BMPR2: variants seen among roughly 807,000 people sequenced by gnomAD.
The protein encoded by BMPR2 is bone morphogenetic protein receptor type-2.
A neutral mutation model predicts 100.8 loss-of-function variants in BMPR2; 29 were observed. The ratio of observed to expected loss-of-function variants is 0.29; its 90% CI spans 0.21 to 0.39. The LOEUF (loss-of-function observed/expected upper bound fraction) is 0.39. BMPR2 is among the 10% of genes least tolerant of loss of function. The pLI is 1.00. For missense variants in BMPR2, 1,011 were observed against 1,274.5 expected (o/e 0.79, Z 3.15); for synonymous variants, 382 against 442.3 (o/e 0.86, Z 1.71).
intron 1 of BMPR2, among the ~76,000 whole-genome samples, chr2:202,415,328 G>A (rs980838774): frequency 1.3e-5 from 2 of 152,128 alleles, no homozygotes; most frequent in African/African-American, 4.8e-5. Flanking sequence ...AAAATTAGCT[G>A]AGTGTGTTGC....
chr2:202,388,629 CA>C (rs1178574994), intron 1 of BMPR2, among the ~76,000 whole-genome samples: 3 of 150,860 alleles, frequency 2.0e-5, no homozygotes, highest in East Asian at 4.0e-4. Flanking sequence ...CAACAAAATA[CA>C]AAAAAGAATT....
At chr2:202,409,832 G>A (rs1690976786) in intron 1 of BMPR2, among the ~76,000 whole-genome samples, 2 of 151,712 alleles carry the variant, frequency 1.3e-5, no homozygotes, top group East Asian at 1.9e-4. Context: ...GCAGGGGTTA[G>A]CAATTCTACT....
intron 3 of BMPR2, among the ~76,000 whole-genome samples, chr2:202,498,524 G>A (rs563642464): frequency 1.3e-4 from 19 of 150,588 alleles, no homozygotes; most frequent in African/African-American, 2.0e-4. Context: ...CTGCTGCTGC[G>A]TCGGTGAGCA....
chr2:202,454,430 A>G (rs1297699930), intron 1 of BMPR2, among the ~76,000 whole-genome samples: 1 of 152,220 alleles, frequency 6.6e-6, no homozygotes, highest in African/African-American at 2.4e-5. Context: ...TTAAATTCCC[A>G]TTTATGTAAG....
intron 1 of BMPR2, among the ~76,000 whole-genome samples, chr2:202,395,851 G>A (rs1362715756): frequency 6.6e-6 from 1 of 152,104 alleles, no homozygotes; most frequent in African/African-American, 2.4e-5. Flanking sequence ...CAGGAGGATC[G>A]ACTTGAACCT....
intron 1 of BMPR2, among the ~76,000 whole-genome samples, chr2:202,459,006 C>G (rs1692174802): frequency 6.6e-6 from 1 of 152,146 alleles, no homozygotes; most frequent in Non-Finnish European, 1.5e-5. Context: ...GTCCTGCTGC[C>G]AAATATAAAG....
chr2:202,540,308 A>G (rs112316261), intron 9 of BMPR2, among the ~76,000 whole-genome samples: 14 of 152,314 alleles, frequency 9.2e-5, no homozygotes, highest in African/African-American at 3.4e-4. Flanking sequence ...CAGATCAGAT[A>G]CATTAGTAAA....
chr2:202,556,662 T>G, intron 12 of BMPR2, 131 bp downstream of exon 12: 1 of 1,201,298 alleles, frequency 8.3e-7, no homozygotes, highest in Non-Finnish European at 1.2e-6. Context: ...ATGATCCATT[T>G]GAGGCGGGGC....
Position 202,560,795 on chromosome 2 carries a change from A to G in BMPR2, c.*849A>G, listed in dbSNP as rs543573624. The G allele has an allele frequency of 2.6e-5, 4 of 152,680 alleles. No homozygotes were observed. In the South Asian group the frequency reaches 8.3e-4, roughly 32 times the overall value. 9.5% of individuals were successfully genotyped at this position (152,680 alleles called of 1,614,324 possible). On this transcript the variant is annotated 3_prime_UTR_variant, in exon 13 of 13. Transcript: ENST00000374580. ...TTCTGGTTTTGGGAGTTCATAAGAG[A>G]GAATAGAACAAAATACAGGACATCA...
chr2:202,411,926 A>T (rs1424904999), intron 1 of BMPR2, among the ~76,000 whole-genome samples: 1 of 152,306 alleles, frequency 6.6e-6, no homozygotes, highest in African/African-American at 2.4e-5. Context: ...GGAATTCTTG[A>T]TTAAATCCTG....
At chr2:202,427,855 A>G (rs534453809) in intron 1 of BMPR2, among the ~76,000 whole-genome samples, 1 of 152,042 alleles carries the variant, frequency 6.6e-6, no homozygotes, top group Non-Finnish European at 1.5e-5. Flanking sequence ...GCACGCAGCT[A>G]TAGTCCCAGC....
intron 3 of BMPR2, among the ~76,000 whole-genome samples, chr2:202,473,990 A>T (rs1692487589): frequency 6.6e-6 from 1 of 150,600 alleles, no homozygotes; most frequent in Non-Finnish European, 1.5e-5. Context: ...CTGTAGTCCC[A>T]GCTGTTCGGG....
At chr2:202,462,812 A>G (rs1230936921) in intron 1 of BMPR2, among the ~76,000 whole-genome samples, 1 of 151,932 alleles carries the variant, frequency 6.6e-6, no homozygotes, top group African/African-American at 2.4e-5. Context: ...TCCCAGGTTC[A>G]TGTGATTCTC....
chr2:202,542,036 G>A (rs918924527), intron 9 of BMPR2, among the ~76,000 whole-genome samples: 25 of 151,598 alleles, frequency 1.6e-4, no homozygotes, highest in African/African-American at 6.1e-4. Context: ...ACTTGAACCC[G>A]GGAGGCAGAG....
Position 202,560,081 on chromosome 2 carries a change from A to C in BMPR2, c.*135A>C. ...CACCCCTGCAACAAAGACTTGCTTT[A>C]AATAGATTTCAGCTATGCAGAAAAA... On this transcript the variant is annotated 3_prime_UTR_variant, in exon 13 of 13. Transcript: ENST00000374580. 1 of 1,148,572 alleles carries C rather than the reference A, an allele frequency of 8.7e-7. No homozygotes were observed. The highest frequency in any genetic ancestry group is 1.2e-6 in the Non-Finnish European group (1 of 821,642). 71.1% of individuals were successfully genotyped at this position (1,148,572 alleles called of 1,614,324 possible). A position where few individuals can be genotyped will look rare whatever the true frequency, so the allele number is the denominator to read the frequency against.
At chr2:202,455,390 A>T (rs1188429324) in intron 1 of BMPR2, among the ~76,000 whole-genome samples, 1 of 152,190 alleles carries the variant, frequency 6.6e-6, no homozygotes, top group South Asian at 2.1e-4. Context: ...TCTATCTAAA[A>T]AATAAAAATA....
At chr2:202,544,131 G>A (rs1460896269) in intron 10 of BMPR2, among the ~76,000 whole-genome samples, 2 of 151,648 alleles carry the variant, frequency 1.3e-5, no homozygotes, top group Non-Finnish European at 2.9e-5. Context: ...GACAGAGTGA[G>A]ACCCCATCTC....
intron 5 of BMPR2, among the ~76,000 whole-genome samples, chr2:202,518,298 C>T (rs558135682): frequency 4.0e-5 from 6 of 151,602 alleles, no homozygotes; most frequent in Admixed American, 1.3e-4. Context: ...CCATGATACC[C>T]GGCTAATTTT....
Position 202,564,372 on chromosome 2 carries a change from C to G in BMPR2, c.*4426C>G, listed in dbSNP as rs1488340699. The G allele has an allele frequency of 6.6e-6, 1 of 152,182 alleles. No homozygotes were observed. The highest frequency in any genetic ancestry group is 1.5e-5 in the Non-Finnish European group (1 of 68,028). 9.4% of individuals were successfully genotyped at this position (152,182 alleles called of 1,614,324 possible). The stretch of plus-strand genomic sequence containing the variant: ...ATTGCTTTATCTTCCCATCTAACTT[C>G]TTAAAGTTAAAATCCGGACACACAT... On this transcript the variant is annotated 3_prime_UTR_variant, in exon 13 of 13. Transcript: ENST00000374580.
Sources: gnomAD v4.1 joint callset for allele counts (sites outside exome capture counted in the v4.1 genomes callset) on GRCh38, gnomAD v4.1.1 for gene constraint, MANE v1.5 for transcripts, NCBI Gene and HGNC (gene_info 2026-07-23, HGNC 2026-07-21) for gene names.